Variants in SGCD observed in about 807,000 individuals in gnomAD.
SGCD encodes the protein sarcoglycan delta.
Under a neutral mutation model 36.6 loss-of-function variants are expected in SGCD, and 18 were observed. That is an observed-to-expected ratio of 0.49 (90% confidence interval 0.34 to 0.73). The LOEUF is 0.73. Among genes scored for constraint, SGCD ranks in the 30% least tolerant of loss-of-function variants. The pLI is 0.01. For synonymous variants in SGCD, 133 were observed against 130.6 expected (o/e 1.02, Z -0.12); for missense variants, 387 against 346.7 (o/e 1.12, Z -0.92).
chr5:155,816,577 T>C, the SGCD span, among the ~76,000 whole-genome samples: 1,492 of 152,230 alleles, frequency 9.8e-3, 30 homozygotes, highest in African/African-American at 0.035. Context: ...ATCCATGAAG[T>C]TCAAACCTGC....
At chr5:156,347,074 G>A (rs1313770039) in intron 3 of SGCD, among the ~76,000 whole-genome samples, 1 of 152,150 alleles carries the variant, frequency 6.6e-6, no homozygotes, top group East Asian at 1.9e-4. Context: ...TGGGATTACA[G>A]GCGTGAGCCA....
chr5:156,442,331 A>G (rs1448602580), intron 3 of SGCD, among the ~76,000 whole-genome samples: 2 of 152,224 alleles, frequency 1.3e-5, no homozygotes, highest in Non-Finnish European at 2.9e-5. Flanking sequence ...AGAAAGGGCT[A>G]TGAGACGAAA....
At chr5:156,067,660 C>A (rs1443154215) in intron 1 of SGCD, among the ~76,000 whole-genome samples, 5 of 115,216 alleles carry the variant, frequency 4.3e-5, no homozygotes, top group Non-Finnish European at 8.0e-5. Context: ...GTTTCTTAAG[C>A]CGGTCTGAAA....
At chr5:156,698,540 C>T (rs538917161) in intron 7 of SGCD, among the ~76,000 whole-genome samples, 32 of 152,304 alleles carry the variant, frequency 2.1e-4, no homozygotes, top group African/African-American at 7.7e-4. Context: ...GTCCCTTCCA[C>T]GGGTATTCTG....
chr5:156,085,959 C>A (rs1010040492), intron 1 of SGCD, among the ~76,000 whole-genome samples: 4 of 152,198 alleles, frequency 2.6e-5, no homozygotes, highest in Admixed American at 2.0e-4. Context: ...ATGTTTGTCT[C>A]TTCTTGTTTT....
chr5:156,499,673 A>C (rs1581082464), intron 3 of SGCD, among the ~76,000 whole-genome samples: 1 of 152,178 alleles, frequency 6.6e-6, no homozygotes, highest in African/African-American at 2.4e-5. Context: ...AAAAATTGCG[A>C]GCATGTTCTG....
At chr5:156,529,501 A>G (rs1287211668) in intron 4 of SGCD, among the ~76,000 whole-genome samples, 3 of 148,240 alleles carry the variant, frequency 2.0e-5, no homozygotes, top group African/African-American at 7.5e-5. Context: ...CTTCACTCCT[A>G]TGTTGTTGGC....
rs548251698 is a variant in SGCD at position 156,622,438 on chromosome 5, T to A, written c.503-25026T>A. ...ACAGGGCAAGACTCTGTCTAAAAAA[T>A]AATAATAATAATAATAATAATAATA... On this transcript the variant is annotated intron_variant, in intron 6 of 8. Coordinates refer to ENST00000337851, the MANE Select transcript of SGCD (RefSeq NM_000337.6). 2.4e-4 allele frequency among the ~76,000 whole-genome samples: 6 copies of A among 24,772 alleles called. No individual in the cohort carries two copies. In the South Asian group the frequency reaches 3.7e-3, roughly 15 times the overall value. 16.3% of individuals were successfully genotyped at this position (24,772 alleles called of 152,430 possible). A position where few individuals can be genotyped will look rare whatever the true frequency, so the allele number is the denominator to read the frequency against.
chr5:156,557,834 G>C (rs1003503524), intron 4 of SGCD, among the ~76,000 whole-genome samples: 1 of 151,810 alleles, frequency 6.6e-6, no homozygotes, highest in Non-Finnish European at 1.5e-5. Context: ...ATTACTGCAT[G>C]TATCTTATAT....
At chr5:156,594,748 G>A (rs529966594) in intron 5 of SGCD, among the ~76,000 whole-genome samples, 184 bp from the exon 6 acceptor site, 1 of 152,312 alleles carries the variant, frequency 6.6e-6, no homozygotes, top group South Asian at 2.1e-4. Context: ...CTAAAGTCAT[G>A]AGACTGATTT....
chr5:156,653,830 C>T (rs1763569936), intron 7 of SGCD, among the ~76,000 whole-genome samples: 1 of 152,034 alleles, frequency 6.6e-6, no homozygotes, highest in Non-Finnish European at 1.5e-5. Context: ...TACTTGGCCA[C>T]ATTCACACTG....
intron 7 of SGCD, among the ~76,000 whole-genome samples, chr5:156,744,778 A>G (rs934079124): frequency 1.3e-5 from 2 of 152,320 alleles, no homozygotes; most frequent in Admixed American, 1.3e-4. Flanking sequence ...GATTCTCAGA[A>G]AGTTGGCACA....
chr5:156,090,490 A>G (rs1182222847), intron 1 of SGCD, among the ~76,000 whole-genome samples: 1 of 152,170 alleles, frequency 6.6e-6, no homozygotes, highest in Non-Finnish European at 1.5e-5. Context: ...ACATGCTTCA[A>G]AGGGCAATAA....
At chr5:156,119,243 C>T (rs191410450) in intron 2 of SGCD, among the ~76,000 whole-genome samples, 1 of 152,196 alleles carries the variant, frequency 6.6e-6, no homozygotes, top group East Asian at 1.9e-4. Flanking sequence ...TTCTGAGTGT[C>T]AGAACTAGGT....
At chr5:156,570,737 C>A (rs555614861) in intron 4 of SGCD, among the ~76,000 whole-genome samples, 3 of 152,120 alleles carry the variant, frequency 2.0e-5, no homozygotes, top group Admixed American at 6.6e-5. Context: ...TATTTCATCA[C>A]CCAGGTATTA....
intron 3 of SGCD, among the ~76,000 whole-genome samples, chr5:156,483,743 C>A (rs951918059): frequency 6.6e-6 from 1 of 152,184 alleles, no homozygotes; most frequent in Non-Finnish European, 1.5e-5. Context: ...GAGCCAAATA[C>A]TACTTTATCC....
At chr5:156,351,232 G>A (rs1452157966) in intron 3 of SGCD, among the ~76,000 whole-genome samples, 1 of 152,114 alleles carries the variant, frequency 6.6e-6, no homozygotes, top group Non-Finnish European at 1.5e-5. Flanking sequence ...TAAGCATTTA[G>A]TATAAACTTA....
chr5:156,200,527 C>A (rs924130130), intron 3 of SGCD, among the ~76,000 whole-genome samples: 4 of 152,044 alleles, frequency 2.6e-5, no homozygotes, highest in Non-Finnish European at 5.9e-5. Flanking sequence ...CAATTGAAGA[C>A]CTACATTAAA....
chr5:156,450,706 C>G (rs192241821), intron 3 of SGCD, among the ~76,000 whole-genome samples: 22 of 151,954 alleles, frequency 1.4e-4, no homozygotes, highest in Middle Eastern at 3.4e-3. Flanking sequence ...CATTCATTTT[C>G]AAATCATAAT....
Sources: gnomAD v4.1 joint callset for allele counts (sites outside exome capture counted in the v4.1 genomes callset) on GRCh38, gnomAD v4.1.1 for gene constraint, MANE v1.5 for transcripts, NCBI Gene and HGNC (gene_info 2026-07-23, HGNC 2026-07-21) for gene names.